The following WWOX variants were observed in gnomAD, a reference collection of about 807,000 sequenced individuals.
WWOX encodes WW domain-containing oxidoreductase.
Under a neutral mutation model 46.2 loss-of-function variants are expected in WWOX, and 69 were observed. The observed-to-expected ratio is 1.49, with a 90% CI of 1.23 to 1.82. The LOEUF (loss-of-function observed/expected upper bound fraction) is 1.82. Among genes scored for constraint, WWOX ranks in the 40% most tolerant of loss-of-function variants. The pLI is 0.00. For missense variants in WWOX, 919 were observed against 542.6 expected (o/e 1.69, Z -6.89); for synonymous variants, 359 against 202.6 (o/e 1.77, Z -6.56).
chr16:78,935,872 A>G (rs1208419750), intron 8 of WWOX, among the ~76,000 whole-genome samples: 1 of 152,112 alleles, frequency 6.6e-6, no homozygotes, highest in Admixed American at 6.6e-5. Context: ...ACATCACACC[A>G]CTGCACTTCG....
intron 8 of WWOX, among the ~76,000 whole-genome samples, chr16:78,509,169 T>G (rs1453507603): frequency 6.6e-6 from 1 of 152,192 alleles, no homozygotes; most frequent in Admixed American, 6.5e-5. Flanking sequence ...CCGGGCATGG[T>G]GGTTCACGCC....
chr16:78,231,934 T>C (rs1274189098), intron 5 of WWOX, among the ~76,000 whole-genome samples: 1 of 152,214 alleles, frequency 6.6e-6, no homozygotes, highest in East Asian at 1.9e-4. Flanking sequence ...ATTCAGTGTT[T>C]TTATTTAATC....
intron 8 of WWOX, among the ~76,000 whole-genome samples, chr16:78,919,251 C>T (rs1257818697): frequency 6.6e-6 from 1 of 151,828 alleles, no homozygotes. Context: ...GGCAGAGACA[C>T]CCCCCCACTC....
rs145734372 is a variant in WWOX, at chr16:78,605,575, C to G, written c.1056+172823C>G. 6.5e-3 allele frequency among the ~76,000 whole-genome samples: 990 copies of G among 152,178 alleles called. 8 individuals carry two copies. Among genetic ancestry groups the G allele is most frequent in the African/African-American group, 0.022 (902 of 41,508 alleles). ...ATGCCCAGAGTTTAAAAAAAATCAA[C>G]CAATGCCTGCCCTTTCTAGAGCAAC... On this transcript the variant is annotated intron_variant, in intron 8 of 8. Transcript: ENST00000566780.
rs781339888 is a variant in WWOX at position 78,868,485 on chromosome 16, C to CATG, written c.1057-343122_1057-343121insTGA. ...CACAACTGGATAAATATACTAACAT[C>CATG]AAACTGTATATTTACAATGGTTAAA... On this transcript the variant is annotated intron_variant, in intron 8 of 8. Coordinates refer to ENST00000566780, the MANE Select transcript of WWOX (RefSeq NM_016373.4). Among the ~76,000 whole-genome samples the CATG allele has an allele frequency of 1.6e-3, 218 of 138,054 alleles. 2 individuals carry two copies. The highest frequency in any genetic ancestry group is 1.1e-3 in the Non-Finnish European group (71 of 63,152). The allele number at this position is 138,054 out of a possible 152,430, so 90.6% of individuals were successfully genotyped here. A position where few individuals can be genotyped will look rare whatever the true frequency, so the allele number is the denominator to read the frequency against.
At chr16:78,647,843 C>A (rs1434549464) in intron 8 of WWOX, among the ~76,000 whole-genome samples, 2 of 152,162 alleles carry the variant, frequency 1.3e-5, no homozygotes, top group Non-Finnish European at 2.9e-5. Flanking sequence ...ATATTTCTGG[C>A]TTTGGGGGAT....
At chr16:78,538,875 A>G (rs1020778828) in intron 8 of WWOX, among the ~76,000 whole-genome samples, 5 of 152,224 alleles carry the variant, frequency 3.3e-5, no homozygotes, top group East Asian at 1.9e-4. Context: ...AATAGTACCT[A>G]TGAGATGCAT....
chr16:78,957,512 G>C (rs563496336), intron 8 of WWOX, among the ~76,000 whole-genome samples: 5 of 152,300 alleles, frequency 3.3e-5, no homozygotes, highest in East Asian at 1.9e-4. Context: ...CAGGTGTTCT[G>C]TGGGAACTGA....
At chr16:78,383,760 A>G (rs2082003839) in intron 5 of WWOX, among the ~76,000 whole-genome samples, 2 of 152,148 alleles carry the variant, frequency 1.3e-5, no homozygotes, top group African/African-American at 4.8e-5. Context: ...CAGGATTGGT[A>G]GCAGAAATGG....
At chr16:78,797,625 G>T (rs1331265559) in intron 8 of WWOX, among the ~76,000 whole-genome samples, 3 of 152,116 alleles carry the variant, frequency 2.0e-5, no homozygotes, top group African/African-American at 7.2e-5. Flanking sequence ...TTGAAAAATA[G>T]GAAGATTCGT....
chr16:78,797,710 A>C (rs1597626946), intron 8 of WWOX, among the ~76,000 whole-genome samples: 2 of 152,348 alleles, frequency 1.3e-5, no homozygotes, highest in Admixed American at 1.3e-4. Flanking sequence ...ACTGGAGGCC[A>C]GGTGCGTTAG....
At chr16:78,665,409 A>G (rs1190573390) in intron 8 of WWOX, among the ~76,000 whole-genome samples, 2 of 152,128 alleles carry the variant, frequency 1.3e-5, no homozygotes, top group African/African-American at 2.4e-5. Flanking sequence ...ACTGAATATA[A>G]CTATTGAGTT....
intron 8 of WWOX, among the ~76,000 whole-genome samples, chr16:78,971,838 G>C (rs2046477040): frequency 6.6e-6 from 1 of 151,802 alleles, no homozygotes; most frequent in South Asian, 2.1e-4. Context: ...ACTAACAAGA[G>C]AAAGCTAGTT....
chr16:79,100,919 G>T (rs1345161745), intron 8 of WWOX, among the ~76,000 whole-genome samples: 2 of 151,898 alleles, frequency 1.3e-5, no homozygotes, highest in African/African-American at 2.4e-5. Context: ...GCACCCAACG[G>T]GGTTTTCTCC....
At chr16:78,214,099 C>T (rs2036643600) in intron 5 of WWOX, among the ~76,000 whole-genome samples, 1 of 152,160 alleles carries the variant, frequency 6.6e-6, no homozygotes, top group South Asian at 2.1e-4. Context: ...TGCCCTGCTG[C>T]CTAGGGCTGG....
At chr16:79,107,135 C>G (rs1006947717) in intron 8 of WWOX, among the ~76,000 whole-genome samples, 1 of 152,068 alleles carries the variant, frequency 6.6e-6, no homozygotes, top group Non-Finnish European at 1.5e-5. Context: ...GAGGCAGAAT[C>G]TTACTATGTT....
intron 5 of WWOX, among the ~76,000 whole-genome samples, chr16:78,346,526 T>TA (rs1193055867): frequency 1.7e-5 from 2 of 120,456 alleles, no homozygotes; most frequent in East Asian, 3.9e-4. Flanking sequence ...CAACAGTGTT[T>TA]AAGGATCCAC....
At chr16:79,025,107 G>T (rs2047611128) in intron 8 of WWOX, among the ~76,000 whole-genome samples, 1 of 138,918 alleles carries the variant, frequency 7.2e-6, no homozygotes, top group African/African-American at 2.7e-5. Context: ...GAAGAGTCAG[G>T]AAGGTGGGCT....
intron 8 of WWOX, among the ~76,000 whole-genome samples, chr16:78,575,865 T>TA (rs989698333): frequency 3.9e-5 from 6 of 151,994 alleles, no homozygotes; most frequent in South Asian, 2.1e-4. Context: ...TTTAAACATG[T>TA]AAAAAAATCA....
Sources: allele counts gnomAD v4.1 joint callset (sites outside exome capture counted in the v4.1 genomes callset), GRCh38; gene constraint gnomAD v4.1.1; transcripts MANE v1.5; gene names NCBI Gene and HGNC (gene_info 2026-07-23, HGNC 2026-07-21).